EEF1A2: variants seen among roughly 807,000 people sequenced by gnomAD.
EEF1A2 encodes the protein elongation factor 1-alpha 2.
Under a neutral mutation model 39.3 loss-of-function variants are expected in EEF1A2, and 5 were observed. The ratio of observed to expected loss-of-function variants is 0.13; its 90% CI spans 0.07 to 0.27. The LOEUF (loss-of-function observed/expected upper bound fraction) is 0.27. Ranked by LOEUF, EEF1A2 falls within the 10% of genes least tolerant of loss-of-function variation. The probability of loss-of-function intolerance (pLI) is 1.00; values close to 1 mark genes in which losing one functional copy is unlikely to be tolerated. For synonymous variants in EEF1A2, 287 were observed against 293.7 expected, an observed-to-expected ratio of 0.98 and a Z score of 0.23; for missense variants, 218 against 681.4, an observed-to-expected ratio of 0.32 and a Z score of 7.57.
chr20:63,491,385 C>A (rs530123799), intron 5 of EEF1A2, among the ~76,000 whole-genome samples: 1 of 152,232 alleles, frequency 6.6e-6, no homozygotes, highest in African/African-American at 2.4e-5. Context: ...CTTGTCCCCC[C>A]CCAGGCTACT....
Position 63,497,490 on chromosome 20 carries a change from G to C in EEF1A2, c.144+130C>G. 4.9e-6 allele frequency: 7 copies of C among 1,418,008 alleles called. No individual in the cohort carries two copies. In the South Asian group the frequency reaches 8.6e-5, roughly 17 times the overall value. 87.8% of individuals were successfully genotyped at this position (1,418,008 alleles called of 1,614,324 possible). A position where few individuals can be genotyped will look rare whatever the true frequency, so the allele number is the denominator to read the frequency against. On this transcript the variant is annotated intron_variant, in intron 2 of 7. Coordinates refer to ENST00000217182, the MANE Select transcript of EEF1A2 (RefSeq NM_001958.5). This position sits in a 1 kb window ranked among gnomAD's most constrained non-coding sequence, Gnocchi z 7.3. ...CTCTGAGGCCTGAGTGCCCCACAGC[G>C]GGGGTCCCTCCTGCCCTGGAGGAGG...
Position 63,497,340 on chromosome 20 carries a change from A to G in EEF1A2, c.144+280T>C. The G allele has an allele frequency of 5.7e-6, 2 of 349,504 alleles. No homozygotes were observed. Among genetic ancestry groups the G allele is most frequent in the Non-Finnish European group, 1.0e-5 (2 of 192,748 alleles). The allele number at this position is 349,504 out of a possible 1,614,324, so 21.7% of individuals were successfully genotyped here. On this transcript the variant is annotated intron_variant, in intron 2 of 7. Coordinates refer to ENST00000217182, the MANE Select transcript of EEF1A2 (RefSeq NM_001958.5). This position sits in a 1 kb window ranked among gnomAD's most constrained non-coding sequence, Gnocchi z 7.3. ...CCCTCCAGCCCCAGCTCAACATGGC[A>G]GAGTTCCAGAGCCTTCTGCAGACCC...
At chr20:63,489,224 G>A in intron 6 of EEF1A2, 72 bp from the exon 7 acceptor site, 1 of 1,474,118 alleles carries the variant, frequency 6.8e-7, no homozygotes, top group East Asian at 2.4e-5. Context: ...GAGCGGGGCT[G>A]GGAGGCCCAG....
intron 6 of EEF1A2, among the ~76,000 whole-genome samples, chr20:63,489,709 G>C (rs2082369361): frequency 6.6e-6 from 1 of 152,110 alleles, no homozygotes; most frequent in African/African-American, 2.4e-5. Flanking sequence ...CTTGAACCCG[G>C]GAGGCGGAGG....
chr20:63,491,674 A>G (rs2082379298), intron 5 of EEF1A2, among the ~76,000 whole-genome samples: 1 of 150,128 alleles, frequency 6.7e-6, no homozygotes, highest in African/African-American at 2.5e-5. Context: ...GGATGGATGG[A>G]TGTATGAATG....
intron 5 of EEF1A2, 55 bp from the exon 6 acceptor site, chr20:63,490,790 A>G (rs2082375379): frequency 6.4e-7 from 1 of 1,554,490 alleles, no homozygotes; most frequent in Non-Finnish European, 8.7e-7. Context: ...ATGCTGGGGC[A>G]GGATATTCGG....
intron 3 of EEF1A2, among the ~76,000 whole-genome samples, 170 bp downstream of exon 3, chr20:63,495,686 C>T (rs1330518693): frequency 6.6e-6 from 1 of 152,186 alleles, no homozygotes; most frequent in African/African-American, 2.4e-5. Context: ...CTGGATTCAT[C>T]CTTAGGGGGG....
At position 63,493,141 on chromosome 20, in the gene EEF1A2, A is replaced by T; in HGVS notation, c.768T>A (p.Ile256=). The T allele has an allele frequency of 6.5e-7, 1 of 1,547,900 alleles. No homozygotes were observed. Among genetic ancestry groups the T allele is most frequent in the East Asian group, 2.4e-5 (1 of 40,952 alleles). The change falls in exon 5 of 8, where the codon ATT becomes ATA. Residue 256 remains isoleucine, a synonymous_variant. Transcript: ENST00000217182. ...LRLPLQDVYK[I]GGIGTVPVGR... is the part of the protein sequence containing the mutation. The stretch of plus-strand genomic sequence containing the variant: ...CAGCACAGCGCCCTTGCTCACCGCC[A>T]ATCTTGTACACGTCCTGCAGCGGCA...
rs77737217 is a variant in EEF1A2, at chr20:63,498,334, C to T, written c.-71-500G>A. 7,137 of 152,480 alleles carry T rather than the reference C, an allele frequency of 0.047. 302 individuals are homozygous for T. The highest frequency in any genetic ancestry group is 0.22 in the South Asian group (1,087 of 4,832). The allele number at this position is 152,480 out of a possible 1,614,324, so 9.4% of individuals were successfully genotyped here. On this transcript the variant is annotated intron_variant, in intron 1 of 7. Coordinates refer to ENST00000217182, the MANE Select transcript of EEF1A2 (RefSeq NM_001958.5). The surrounding 1 kb of genome is among the most constrained non-coding windows in gnomAD (Gnocchi z 4.1). ...CCTCAGGCAGGGACGGCGCCATCTT[C>T]CCCTCATCCCTGCCCGGCAGGCTGG...
rs2082409335 is a variant in EEF1A2, at chr20:63,494,862, C to T, written c.564G>A (p.Val188=). 1.2e-6 allele frequency: 2 copies of T among 1,612,574 alleles called. No individual in the cohort carries two copies. The highest frequency in any genetic ancestry group is 1.3e-5 in the African/African-American group (1 of 74,936). Residue 188 remains valine, a synonymous_variant, in exon 4 of 8, where the codon GTG becomes GTA. Coordinates refer to ENST00000217182, the MANE Select transcript of EEF1A2 (RefSeq NM_001958.5). ...GCCAGCCGGAGATGGGCACAAAGGG[C>T]ACGGTGGCCGGGTTGTAGCCGATCT... ...IKKIGYNPAT[V]PFVPISGWHG...
At chr20:63,492,531 TGGAA>T (rs2082392369) in intron 5 of EEF1A2, among the ~76,000 whole-genome samples, 9 of 141,662 alleles carry the variant, frequency 6.4e-5, no homozygotes, top group East Asian at 4.3e-4. Context: ...GATGGATGGA[TGGAA>T]GGATGGATGG....
intron 5 of EEF1A2, among the ~76,000 whole-genome samples, chr20:63,492,518 G>GTGGATGGA (rs1568996243): frequency 4.2e-3 from 108 of 25,930 alleles, no homozygotes; most frequent in African/African-American, 0.013. Context: ...GGGTGGGGAG[G>GTGGATGGA]TGGATGGATG....
rs2082362096 is a variant in EEF1A2, at chr20:63,488,345, C to T, written c.1345G>A (p.Gly449Ser). The T allele has an allele frequency of 2.0e-6, 3 of 1,468,340 alleles. No homozygotes were observed. The highest frequency in any genetic ancestry group is 2.7e-6 in the Non-Finnish European group (3 of 1,110,548). 91.0% of individuals were successfully genotyped at this position (1,468,340 alleles called of 1,614,324 possible). Residue 449 changes from glycine to serine, a missense_variant, in exon 8 of 8, where the codon GGC becomes AGC. Coordinates refer to ENST00000217182, the MANE Select transcript of EEF1A2 (RefSeq NM_001958.5). ...TTCTGCGCCGACTTGGTGACCTTGC[C>T]GGCGCCGCCGCTCTTCTTCTCCACG... ...KNVEKKSGGA[G>S]KVTKSAQKAQ...
In EEF1A2 at chr20:63,497,533, C is replaced by T. The variant is rs1274382341; in HGVS notation, c.144+87G>A. 1.9e-6 allele frequency: 3 copies of T among 1,541,434 alleles called. No homozygotes were observed. The highest frequency in any genetic ancestry group is 1.4e-5 in the African/African-American group (1 of 72,906). ...GGAGGAGGTCACCTGAGCCCCATGC[C>T]CTGGGGCTGGGAGATGCCAAGCCTG... is the stretch of plus-strand genomic sequence containing the variant. On this transcript the variant is annotated intron_variant, in intron 2 of 7. Transcript: ENST00000217182. This position sits in a 1 kb window ranked among gnomAD's most constrained non-coding sequence, Gnocchi z 7.3.
In EEF1A2 at chr20:63,497,370, A is replaced by G; in HGVS notation, c.144+250T>C. ...TCCAGAGCCTTCTGCAGACCCTCCC[A>G]GGTCACCTCCCTCACCACAGGGCAA... On this transcript the variant is annotated intron_variant, in intron 2 of 7. Transcript: ENST00000217182. The surrounding 1 kb of genome is among the most constrained non-coding windows in gnomAD (Gnocchi z 7.3). The G allele has an allele frequency of 2.1e-6, 1 of 466,306 alleles. No individual in the cohort carries two copies. The allele number at this position is 466,306 out of a possible 1,614,324, so 28.9% of individuals were successfully genotyped here.
At chr20:63,491,040 G>T (rs1056866771) in intron 5 of EEF1A2, among the ~76,000 whole-genome samples, 1 of 152,250 alleles carries the variant, frequency 6.6e-6, no homozygotes, top group African/African-American at 2.4e-5. Flanking sequence ...GCAGAGAGGG[G>T]CTGTCTGAAC....
At chr20:63,491,382 C>T (rs2082377961) in intron 5 of EEF1A2, among the ~76,000 whole-genome samples, 2 of 152,216 alleles carry the variant, frequency 1.3e-5, no homozygotes, top group South Asian at 2.1e-4. Context: ...GGTCTTGTCC[C>T]CCCCCAGGCT....
In EEF1A2 at chr20:63,488,403, C is replaced by A; in HGVS notation, c.1287G>T (p.Met429Ile). The A allele has an allele frequency of 6.8e-7, 1 of 1,472,442 alleles. No individual in the cohort carries two copies. The highest frequency in any genetic ancestry group is 1.3e-5 in the South Asian group (1 of 76,558). 91.2% of individuals were successfully genotyped at this position (1,472,442 alleles called of 1,614,324 possible). Reference sequence around the variant, plus strand: ...TGACGCCTACGGCCACCGTCTGCCTCATGTCGCGCACGGCGAAGCGGCCTG... The same window carrying A: ...TGACGCCTACGGCCACCGTCTGCCTAATGTCGCGCACGGCGAAGCGGCCTG... ...PPLGRFAVRD[M>I]RQTVAVGVIK... The change falls in exon 8 of 8, where the codon ATG becomes ATT. Residue 429 changes from methionine to isoleucine, a missense_variant. By Grantham distance (10) the Met-to-Ile change is conservative. This residue lies in a region of EEF1A2 where 31 missense variants were observed against 57.0 expected (regional missense o/e 0.54). Transcript: ENST00000217182.
Position 63,488,213 on chromosome 20 carries a change from G to T in EEF1A2, c.*85C>A. The T allele has an allele frequency of 2.3e-6, 2 of 864,150 alleles. No individual in the cohort carries two copies. The highest frequency in any genetic ancestry group is 2.7e-6 in the Non-Finnish European group (2 of 740,056). 53.5% of individuals were successfully genotyped at this position (864,150 alleles called of 1,614,324 possible). A position where few individuals can be genotyped will look rare whatever the true frequency, so the allele number is the denominator to read the frequency against. On this transcript the variant is annotated 3_prime_UTR_variant, in exon 8 of 8. Transcript: ENST00000217182. ...GGGGTGCGGGGCGCCGGACCGGCGC[G>T]CGGGGCGGGGGCGGGGCGGGGGCCC...
Sources: gnomAD v4.1 joint callset for allele counts (sites outside exome capture counted in the v4.1 genomes callset) on GRCh38, gnomAD v4.1.1 for gene constraint, gnomAD v4.1.1 regional missense constraint, Gnocchi (gnomAD v3.1) non-coding constraint, MANE v1.5 for transcripts, NCBI Gene and HGNC (gene_info 2026-07-23, HGNC 2026-07-21) for gene names.